The following CXXC1 variants were observed in gnomAD, a reference collection of about 807,000 sequenced individuals.
CXXC1 encodes the protein CXXC finger protein 1, also known as CXXC-type zinc finger protein 1.
Under a neutral mutation model 83.6 loss-of-function variants are expected in CXXC1, and 21 were observed. The observed-to-expected ratio is 0.25, with a 90% CI of 0.18 to 0.36. The LOEUF is 0.36. Among genes scored for constraint, CXXC1 ranks in the 10% least tolerant of loss-of-function variants. The pLI, the probability that CXXC1 is intolerant of heterozygous loss-of-function variation, is 1.00. For missense variants in CXXC1, 688 were observed against 919.5 expected (o/e 0.75, Z 3.26); for synonymous variants, 371 against 337.5 (o/e 1.10, Z -1.09).
chr18:50,287,481 G>T, intron 1 of CXXC1, 106 bp downstream of exon 1: 1 of 1,379,576 alleles, frequency 7.2e-7, no homozygotes. Context: ...TCAGTCCACA[G>T]ACTCCGGTTA....
At position 50,286,775 on chromosome 18, in the gene CXXC1, G is replaced by A. The variant is rs758563592; in HGVS notation, c.87C>T (p.Cys29=). The A allele has an allele frequency of 2.3e-5, 37 of 1,613,882 alleles. No homozygotes were observed. The highest frequency in any genetic ancestry group is 2.0e-4 in the Admixed American group (12 of 60,000). ...AGTTGATGTCCGGTTTGCGGCAGAT[G>A]CAGTAGATGGGCGCATTCTCCCCAT... ...SENGENAPIY[C]ICRKPDINCF... The change falls in exon 2 of 15, where the codon TGC becomes TGT. Residue 29 remains cysteine, a synonymous_variant. Coordinates refer to ENST00000285106, the MANE Select transcript of CXXC1 (RefSeq NM_014593.4).
rs1194359104 is a variant in CXXC1, at chr18:50,286,049, C to T, written c.432G>A (p.Pro144=). 2 of 1,613,820 alleles carry T rather than the reference C, an allele frequency of 1.2e-6. No individual in the cohort carries two copies. Among genetic ancestry groups the T allele is most frequent in the South Asian group, 1.1e-5 (1 of 91,064 alleles). Residue 144 remains proline (P), a synonymous_variant, in exon 4 of 15, where the codon CCG becomes CCA. Coordinates refer to ENST00000285106, the MANE Select transcript of CXXC1 (RefSeq NM_014593.4). ...RGSASPHKSS[P]QPLVATPSQH... is the part of the protein sequence containing the mutation. ...GGCTGGGTGTGGCCACCAAGGGCTG[C>T]GGAGAGGATTTGTGGGGCGAAGCAG...
rs1485177592 is a variant in CXXC1 at position 50,285,173 on chromosome 18, T to C, written c.741A>G (p.Pro247=). ...RPLPTQQQPQ[P]SQKLGRIRED... ...CACGGATGCGCCCTAACTTCTGTGA[T>C]GGCTGTGGCTGCTGTTGGGTGGGCA... The change falls in exon 7 of 15, where the codon CCA becomes CCG. Residue 247 remains proline (P), a synonymous_variant. Coordinates refer to ENST00000285106, the MANE Select transcript of CXXC1 (RefSeq NM_014593.4). This position sits in a 1 kb window ranked among gnomAD's most constrained non-coding sequence, Gnocchi z 4.4. 1 of 1,614,240 alleles carries C rather than the reference T, an allele frequency of 6.2e-7. No individual in the cohort carries two copies. The highest frequency in any genetic ancestry group is 1.1e-5 in the South Asian group (1 of 91,088).
rs1384436252 is a variant in CXXC1, at chr18:50,284,827, C to T, written c.925G>A (p.Asp309Asn). 5 of 1,614,158 alleles carry T rather than the reference C, an allele frequency of 3.1e-6. No individual in the cohort carries two copies. The highest frequency in any genetic ancestry group is 1.7e-5 in the Admixed American group (1 of 60,026). Residue 309 changes from aspartate (D) to asparagine (N), a missense_variant, in exon 8 of 15, where the codon GAC (aspartate) becomes AAC (asparagine). Asp to Asn is a conservative substitution (Grantham distance 23). Transcript: ENST00000285106. ...TCCAGGAATGGGGACTCTTCTGTGT[C>T]GCTCATCCAGGGCTGCAAGCAGGGC... ...FDDHGLPWMSDTEESPFLDPA... is the reference protein window; with the variant it reads ...FDDHGLPWMSNTEESPFLDPA...
At chr18:50,284,172 A>G (rs2040675065) in intron 9 of CXXC1, 71 bp from the exon 10 acceptor site, 1 of 1,524,962 alleles carries the variant, frequency 6.6e-7, no homozygotes, top group Admixed American at 1.7e-5. Flanking sequence ...ATAGACGCAA[A>G]TGGCAAAAGG....
intron 1 of CXXC1, 162 bp from the exon 2 acceptor site, chr18:50,287,020 T>G: frequency 1.6e-6 from 1 of 608,258 alleles, no homozygotes; most frequent in Non-Finnish European, 3.0e-6. Flanking sequence ...CTGACCCCCA[T>G]CCCTTCCTCT....
chr18:50,283,227 G>T, intron 13 of CXXC1, 38 bp downstream of exon 13: 2 of 1,547,724 alleles, frequency 1.3e-6, no homozygotes, highest in Non-Finnish European at 1.8e-6. Flanking sequence ...GAGGCAGGGA[G>T]GAGGGGCAAA....
intron 13 of CXXC1, 112 bp downstream of exon 13, chr18:50,283,153 G>A (rs917026975): frequency 1.6e-6 from 2 of 1,267,748 alleles, no homozygotes; most frequent in Middle Eastern, 1.9e-4. Context: ...AAGCAGCAGG[G>A]AAGCTGAGAG....
Position 50,285,911 on chromosome 18 carries a change from C to G in CXXC1, c.477G>C (p.Gln159His). 6.2e-7 allele frequency: 1 copy of G among 1,614,104 alleles called. No homozygotes were observed. The highest frequency in any genetic ancestry group is 8.5e-7 in the Non-Finnish European group (1 of 1,179,976). ...ATPSQHHQQQ[Q>H]QQIKRSARMC... ...TGCGGGCTGACCGTTTGATCTGCTG[C>G]TGCTGCTGCTGGTGATGCTGCAGGA... Residue 159 changes from glutamine to histidine, a missense_variant, in exon 5 of 15, where the codon CAG becomes CAC. Around this residue, in one of 9 missense-constraint regions of CXXC1, gnomAD observed 142 missense variants for 150.7 expected, o/e 0.94. Coordinates refer to ENST00000285106, the MANE Select transcript of CXXC1 (RefSeq NM_014593.4). This position sits in a 1 kb window ranked among gnomAD's most constrained non-coding sequence, Gnocchi z 4.4.
Position 50,286,181 on chromosome 18 carries a change from A to G in CXXC1, c.300T>C (p.Ser100=), listed in dbSNP as rs1249106445. ...GCCCTCCACCCTCATCCCGGGGCTC[A>G]CTGCTGTCCCGCTCATTGCCATCCC... is the stretch of plus-strand genomic sequence containing the variant. ...RERDGNERDS[S]EPRDEGGGRK... The change falls in exon 4 of 15, where the codon AGT becomes AGC. Residue 100 remains serine, a synonymous_variant. Transcript: ENST00000285106. The G allele has an allele frequency of 6.2e-7, 1 of 1,613,762 alleles. No homozygotes were observed. The highest frequency in any genetic ancestry group is 8.5e-7 in the Non-Finnish European group (1 of 1,179,956).
chr18:50,283,076 G>C, intron 13 of CXXC1, 70 bp from the exon 14 acceptor site: 1 of 1,551,488 alleles, frequency 6.4e-7, no homozygotes, highest in Non-Finnish European at 8.8e-7. Context: ...GCTCAAGGAG[G>C]GAGAAGGAAA....
In CXXC1 at chr18:50,282,771, G is replaced by A; in HGVS notation, c.1825-32C>T. ...AGGGAGCGGCAGGAGTCCTAAGCAG[G>A]AACACCTGCAGCCCCGCCTGCCCCG... is the stretch of plus-strand genomic sequence containing the variant. On this transcript the variant is annotated intron_variant, in intron 14 of 14. Coordinates refer to ENST00000285106, the MANE Select transcript of CXXC1 (RefSeq NM_014593.4). The surrounding 1 kb of genome is among the most constrained non-coding windows in gnomAD (Gnocchi z 5.8). 6.2e-7 allele frequency: 1 copy of A among 1,611,552 alleles called. No homozygotes were observed. Among genetic ancestry groups the A allele is most frequent in the Non-Finnish European group, 8.5e-7 (1 of 1,178,578 alleles).
intron 3 of CXXC1, 41 bp downstream of exon 3, chr18:50,286,498 T>C: frequency 6.4e-7 from 1 of 1,552,380 alleles, no homozygotes; most frequent in Non-Finnish European, 8.9e-7. Flanking sequence ...CCTCCTCCCT[T>C]GAAGCCCCAC....
rs2040708584 is a variant in CXXC1, at chr18:50,286,082, A to G, written c.399T>C (p.Ala133=). 6.2e-7 allele frequency: 1 copy of G among 1,613,822 alleles called. No individual in the cohort carries two copies. The highest frequency in any genetic ancestry group is 1.3e-5 in the African/African-American group (1 of 74,912). The change falls in exon 4 of 15, where the codon GCT becomes GCC. Residue 133 remains alanine, a synonymous_variant. Coordinates refer to ENST00000285106, the MANE Select transcript of CXXC1 (RefSeq NM_014593.4). ...ATTTGTGGGGCGAAGCAGAGCCCCG[A>G]GCAAGCATGGCCCCAACCCCTGTCC... ...GSGTGVGAML[A]RGSASPHKSS... is the part of the protein sequence containing the mutation.
intron 1 of CXXC1, 181 bp from the exon 2 acceptor site, chr18:50,287,039 A>G (rs1278872773): frequency 1.8e-5 from 11 of 596,308 alleles, no homozygotes; most frequent in Middle Eastern, 4.4e-4. Context: ...CTGACATCCT[A>G]TTACTCTGCT....
intron 1 of CXXC1, 74 bp from the exon 2 acceptor site, chr18:50,286,932 C>G: frequency 9.3e-7 from 1 of 1,080,988 alleles, no homozygotes; most frequent in South Asian, 1.2e-5. Context: ...ACAACTCCAC[C>G]GTGGTCAGCA....
In CXXC1 at chr18:50,285,998, C is replaced by T. The variant is rs769957388; in HGVS notation, c.459+24G>A. 1.3e-5 allele frequency: 21 copies of T among 1,613,674 alleles called. No homozygotes were observed. In the Admixed American group the frequency reaches 3.0e-4, roughly 23 times the overall value. On this transcript the variant is annotated intron_variant, in intron 4 of 14. Transcript: ENST00000285106. The surrounding 1 kb of genome is among the most constrained non-coding windows in gnomAD (Gnocchi z 4.4). ...CTGAAACGGAACCACTTTACACATC[C>T]ATTCACTTTATGCAGCCACTCACCT... is the stretch of plus-strand genomic sequence containing the variant.
In CXXC1 at chr18:50,285,718, C is replaced by G; in HGVS notation, c.639+31G>C. The G allele has an allele frequency of 3.7e-6, 6 of 1,606,292 alleles. No individual in the cohort carries two copies. Among genetic ancestry groups the G allele is most frequent in the Non-Finnish European group, 4.2e-6 (5 of 1,178,946 alleles). ...GCATGGACCCACCAGCTCTCCCACACCTGACCCTACCCAGCTCTGTCCATG... is the reference window on the plus strand; with the variant it reads ...GCATGGACCCACCAGCTCTCCCACAGCTGACCCTACCCAGCTCTGTCCATG... On this transcript the variant is annotated intron_variant, in intron 5 of 14. Coordinates refer to ENST00000285106, the MANE Select transcript of CXXC1 (RefSeq NM_014593.4). This position sits in a 1 kb window ranked among gnomAD's most constrained non-coding sequence, Gnocchi z 4.4.
chr18:50,283,130 G>A (rs918160440), intron 13 of CXXC1, 124 bp from the exon 14 acceptor site: 6 of 1,295,650 alleles, frequency 4.6e-6, no homozygotes, highest in Non-Finnish European at 6.6e-6. Context: ...TGGAAAAGGA[G>A]GAATGGAGGG....
Sources: gnomAD v4.1 joint callset for allele counts on GRCh38, gnomAD v4.1.1 for gene constraint, gnomAD v4.1.1 regional missense constraint, Gnocchi (gnomAD v3.1) non-coding constraint, MANE v1.5 for transcripts, NCBI Gene and HGNC (gene_info 2026-07-23, HGNC 2026-07-21) for gene names.